GYS2: variants seen among roughly 807,000 people sequenced by gnomAD.
The protein encoded by GYS2 is glycogen [starch] synthase, liver.
In GYS2, 80 loss-of-function variants were observed where a neutral mutation model predicts 85.6. The observed-to-expected ratio is 0.93, with a 90% CI of 0.78 to 1.13. The LOEUF is 1.13. GYS2 is among the 50% of genes most tolerant of loss of function. The pLI is 0.00. For missense variants in GYS2, 881 were observed against 854.9 expected (o/e 1.03, Z -0.38); for synonymous variants, 328 against 300.7 (o/e 1.09, Z -0.94).
At chr12:21,591,894 G>T (rs1944643572) in intron 1 of GYS2, among the ~76,000 whole-genome samples, 1 of 152,052 alleles carries the variant, frequency 6.6e-6, no homozygotes, top group South Asian at 2.1e-4. Flanking sequence ...CAGCAACATT[G>T]TTCTTCAAAA....
chr12:21,571,212 C>G (rs1187460635), intron 4 of GYS2, among the ~76,000 whole-genome samples: 2 of 152,158 alleles, frequency 1.3e-5, no homozygotes, highest in Non-Finnish European at 2.9e-5. Flanking sequence ...TTTCCCTCCT[C>G]CCATGGGGCA....
At chr12:21,601,362 C>A (rs1322662486) in intron 1 of GYS2, among the ~76,000 whole-genome samples, 1 of 152,068 alleles carries the variant, frequency 6.6e-6, no homozygotes, top group Admixed American at 6.6e-5. Context: ...ATTGTTCATA[C>A]CCTGGAGACA....
intron 1 of GYS2, among the ~76,000 whole-genome samples, chr12:21,596,718 C>T (rs1348837182): frequency 2.6e-5 from 4 of 152,142 alleles, no homozygotes; most frequent in African/African-American, 4.8e-5. Flanking sequence ...CTCACCACTC[C>T]TCTTCAACAT....
At chr12:21,587,519 A>C (rs1944587843) in intron 1 of GYS2, among the ~76,000 whole-genome samples, 1 of 151,950 alleles carries the variant, frequency 6.6e-6, no homozygotes, top group Non-Finnish European at 1.5e-5. Flanking sequence ...TTTGCTTGGC[A>C]CTTCTACTTG....
intron 11 of GYS2, among the ~76,000 whole-genome samples, chr12:21,557,496 T>A (rs1944194517): frequency 6.6e-6 from 1 of 152,248 alleles, no homozygotes; most frequent in Admixed American, 6.5e-5. Context: ...AAGTTCCTCA[T>A]ATTATCCCCT....
intron 2 of GYS2, among the ~76,000 whole-genome samples, chr12:21,577,433 A>G (rs1219310076): frequency 6.6e-6 from 1 of 152,114 alleles, no homozygotes. Context: ...ACGTGAAAAT[A>G]TCCCTACACT....
intron 1 of GYS2, among the ~76,000 whole-genome samples, chr12:21,591,832 A>G (rs772510682): frequency 1.6e-4 from 25 of 152,146 alleles, no homozygotes; most frequent in Non-Finnish European, 3.4e-4. Flanking sequence ...AGAAGATGGG[A>G]TGATATATTC....
chr12:21,553,665 T>A (rs1944139653), intron 11 of GYS2, among the ~76,000 whole-genome samples: 1 of 152,130 alleles, frequency 6.6e-6, no homozygotes, highest in African/African-American at 2.4e-5. Flanking sequence ...ACTATTCTGG[T>A]AAGTGGGAGG....
At chr12:21,582,600 T>TATAGATATAGATATAGATATAGAG (rs1944524268) in intron 1 of GYS2, among the ~76,000 whole-genome samples, 1 of 6,714 alleles carries the variant, frequency 1.5e-4, no homozygotes, top group Non-Finnish European at 6.5e-4. Flanking sequence ...TAGAGATAGA[T>TATAGATATAGATATAGATATAGAG]ATAGATATAG....
Position 21,575,121 on chromosome 12 carries a change from G to A in GYS2, c.495+745C>T, listed in dbSNP as rs371218068. Reference sequence around the variant, plus strand: ...TCCATGTTTTAAATTTATCTTATTTGGGTTTTCTTTTTCTTGAAGCCAACA... The same window carrying A: ...TCCATGTTTTAAATTTATCTTATTTAGGTTTTCTTTTTCTTGAAGCCAACA... On this transcript the variant is annotated intron_variant, in intron 3 of 15. Transcript: ENST00000261195. Among the ~76,000 whole-genome samples, 7 of 151,994 alleles carry A rather than the reference G, an allele frequency of 4.6e-5. No homozygotes were observed. In the East Asian group the frequency reaches 9.7e-4, roughly 21 times the overall value.
At chr12:21,548,266 G>A (rs1326191313) in intron 11 of GYS2, among the ~76,000 whole-genome samples, 12 of 151,992 alleles carry the variant, frequency 7.9e-5, no homozygotes, top group East Asian at 5.8e-4. Context: ...AAATCAATAC[G>A]CAGTAAATGA....
chr12:21,562,490 C>A (rs1397412185), intron 7 of GYS2, among the ~76,000 whole-genome samples: 1 of 152,078 alleles, frequency 6.6e-6, no homozygotes, highest in Non-Finnish European at 1.5e-5. Context: ...TTGTCATGTG[C>A]ATAAGCCACA....
chr12:21,575,673 A>T (rs143633613), intron 3 of GYS2, among the ~76,000 whole-genome samples, 193 bp downstream of exon 3: 1 of 152,252 alleles, frequency 6.6e-6, no homozygotes, highest in African/African-American at 2.4e-5. Context: ...AATAGTAATA[A>T]GTATCATTAT....
chr12:21,569,020 C>T lies in GYS2; in HGVS notation c.679-11G>A. On this transcript the variant is annotated splice_polypyrimidine_tract_variant and intron_variant, in intron 4 of 15. Transcript: ENST00000261195. ...TTTGTCAATGTTAAACTGTTAGAAA[C>T]AAAAATAAAACACACATTTGCTAAC... The T allele has an allele frequency of 6.2e-7, 1 of 1,613,780 alleles. No homozygotes were observed.
At chr12:21,580,573 T>A in intron 1 of GYS2, 50 bp from the exon 2 acceptor site, 2 of 1,369,712 alleles carry the variant, frequency 1.5e-6, no homozygotes, top group Non-Finnish European at 2.1e-6. Flanking sequence ...GCAATTTGTT[T>A]AAAGTAATAA....
intron 1 of GYS2, among the ~76,000 whole-genome samples, chr12:21,599,638 A>T (rs890090675): frequency 5.9e-5 from 9 of 152,230 alleles, no homozygotes; most frequent in Admixed American, 2.6e-4. Context: ...TTGAGATGCC[A>T]TTGACATGGC....
At chr12:21,604,159 A>C (rs1247910697) in intron 1 of GYS2, among the ~76,000 whole-genome samples, 2 of 152,156 alleles carry the variant, frequency 1.3e-5, no homozygotes, top group African/African-American at 4.8e-5. Flanking sequence ...AAATTTTAAA[A>C]CAAAAAATGT....
intron 14 of GYS2, 56 bp downstream of exon 14, chr12:21,540,354 T>G: frequency 7.3e-7 from 1 of 1,367,888 alleles, no homozygotes; most frequent in South Asian, 1.2e-5. Flanking sequence ...ATCAATATGT[T>G]TATAGTCCAG....
intron 13 of GYS2, among the ~76,000 whole-genome samples, chr12:21,541,021 C>T (rs1335557175): frequency 6.6e-6 from 1 of 151,962 alleles, no homozygotes; most frequent in Non-Finnish European, 1.5e-5. Context: ...ACCTGTAATC[C>T]CAGCAGTTTG....
Sources: gnomAD v4.1 joint callset for allele counts (sites outside exome capture counted in the v4.1 genomes callset) on GRCh38, gnomAD v4.1.1 for gene constraint, MANE v1.5 for transcripts, NCBI Gene and HGNC (gene_info 2026-07-23, HGNC 2026-07-21) for gene names.